The following RLIM variants were observed in gnomAD, a reference collection of about 807,000 sequenced individuals.
The protein encoded by RLIM is E3 ubiquitin-protein ligase RLIM.
Under a neutral mutation model 34.0 loss-of-function variants are expected in RLIM, and 2 were observed. That is an observed-to-expected ratio of 0.06 (90% CI 0.02 to 0.19). RLIM has a LOEUF of 0.19. Ranked by LOEUF, RLIM falls within the 10% of genes least tolerant of loss-of-function variation. The probability of loss-of-function intolerance (pLI) is 1.00; values close to 1 mark genes in which losing one functional copy is unlikely to be tolerated. For missense variants in RLIM, 286 were observed against 479.7 expected (o/e 0.60, Z 3.77); for synonymous variants, 169 against 164.0 (o/e 1.03, Z -0.23).
In RLIM at chrX:74,593,076, G is replaced by C. The variant is rs1471576078; in HGVS notation, c.254-15C>G. 2.5e-6 allele frequency: 3 copies of C among 1,180,643 alleles called. No individual in the cohort carries two copies. Among genetic ancestry groups the C allele is most frequent in the Non-Finnish European group, 3.4e-6 (3 of 877,671 alleles). On this transcript the variant is annotated splice_polypyrimidine_tract_variant and intron_variant, in intron 3 of 3. Coordinates refer to ENST00000332687, the MANE Select transcript of RLIM (RefSeq NM_016120.4). ...AGAGTCTCCTCCTGTTCAAAACAAAGGAGGGGGAGAGGGAGAAAAAGGAAC... is the reference window on the plus strand; with the variant it reads ...AGAGTCTCCTCCTGTTCAAAACAAACGAGGGGGAGAGGGAGAAAAAGGAAC...
At chrX:74,597,507 G>A (rs762851584) in intron 1 of RLIM, among the ~76,000 whole-genome samples, 8 of 111,525 alleles carry the variant, frequency 7.2e-5, no homozygotes, top group Non-Finnish European at 1.3e-4. Context: ...TCATAGGTGA[G>A]AATATTTTCA....
At chrX:74,608,279 C>T (rs1197106075) in intron 1 of RLIM, among the ~76,000 whole-genome samples, 3 of 111,349 alleles carry the variant, frequency 2.7e-5, no homozygotes, top group East Asian at 2.8e-4. Flanking sequence ...CACCACATTA[C>T]GATATTAAGA....
chrX:74,607,540 T>C (rs766214017), intron 1 of RLIM, among the ~76,000 whole-genome samples: 2 of 112,680 alleles, frequency 1.8e-5, no homozygotes, highest in Non-Finnish European at 3.8e-5. Flanking sequence ...TGAAACCCTG[T>C]CTCTACAAAA....
In RLIM at chrX:74,594,351, G is replaced by T. The variant is rs781617856; in HGVS notation, c.208C>A (p.Gln70Lys). The T allele has an allele frequency of 8.3e-7, 1 of 1,206,361 alleles. No individual in the cohort carries two copies. The change falls in exon 3 of 4, where the codon CAA becomes AAA. Residue 70 changes from glutamine to lysine, a missense_variant. Transcript: ENST00000332687. The stretch of plus-strand genomic sequence containing the variant: ...TGCGGTGGTGGGCCTTCTTTAATTT[G>T]CTGTAGTCGTCTCAGCAACTCTTCC... ...TEEELLRRLQ[Q>K]IKEGPPPQNS... is the part of the protein sequence containing the mutation.
At chrX:74,597,723 C>G (rs1226577505) in intron 1 of RLIM, among the ~76,000 whole-genome samples, 2 of 112,084 alleles carry the variant, frequency 1.8e-5, no homozygotes, top group Non-Finnish European at 3.8e-5. Context: ...TTCAATCTAT[C>G]ATATTACTGA....
Position 74,587,863 on chromosome X carries a change from T to TA in RLIM, c.*3576dup, listed in dbSNP as rs1394833906. 7 of 111,999 alleles carry TA rather than the reference T, an allele frequency of 6.3e-5. No homozygotes were observed. The Admixed American group carries it at 6.6e-4, about 11-fold the overall frequency. The allele number at this position is 111,999 out of a possible 1,213,427, so 9.2% of individuals were successfully genotyped here. A position where few individuals can be genotyped will look rare whatever the true frequency, so the allele number is the denominator to read the frequency against. ...GGGACACATTACTTGAGGCAACACT[T>TA]ACAGCCAATCAGTTTCCTAATCTTA... On this transcript the variant is annotated 3_prime_UTR_variant, in exon 4 of 4. Transcript: ENST00000332687.
At chrX:74,610,724 T>C (rs1020568601) in intron 1 of RLIM, among the ~76,000 whole-genome samples, 3 of 108,582 alleles carry the variant, frequency 2.8e-5, no homozygotes, top group Non-Finnish European at 3.8e-5. Context: ...ACCCCATCTT[T>C]ACTAAAAATA....
At position 74,592,223 on chromosome X, in the gene RLIM, C is replaced by T. The variant is rs771648855; in HGVS notation, c.1092G>A (p.Arg364=). 8.3e-7 allele frequency: 1 copy of T among 1,211,618 alleles called. No individual in the cohort carries two copies. Among genetic ancestry groups the T allele is most frequent in the African/African-American group, 1.7e-5 (1 of 57,729 alleles). The stretch of plus-strand genomic sequence containing the variant: ...CCCGCTCAGAACGTGAAAATGTACG[C>T]CTAAAACCTCCTCGTTCACTTTCAT... The part of the protein sequence containing the change: ...VTYESERGGF[R]RTFSRSERAG... The change falls in exon 4 of 4, where the codon AGG becomes AGA. Residue 364 remains arginine (R), a synonymous_variant. Transcript: ENST00000332687.
rs1419692578 is a variant in RLIM at position 74,585,977 on chromosome X, C to T, written c.*5463G>A. 8.9e-6 allele frequency: 1 copy of T among 112,131 alleles called. No homozygotes were observed. The highest frequency in any genetic ancestry group is 1.9e-5 in the Non-Finnish European group (1 of 53,338). The allele number at this position is 112,131 out of a possible 1,213,427, so 9.2% of individuals were successfully genotyped here. ...TTACTGTTCCCCCTCCAAACCCCTTCAGGTTCTTATAAGCTTCAGAAAGCT... is the reference window on the plus strand; with the variant it reads ...TTACTGTTCCCCCTCCAAACCCCTTTAGGTTCTTATAAGCTTCAGAAAGCT... On this transcript the variant is annotated 3_prime_UTR_variant, in exon 4 of 4. Transcript: ENST00000332687.
chrX:74,600,850 T>C (rs1232642358), intron 1 of RLIM, among the ~76,000 whole-genome samples: 1 of 71,234 alleles, frequency 1.4e-5, no homozygotes, highest in Admixed American at 1.6e-4. Context: ...CATCTCTACT[T>C]AAAAAAAAAA....
At chrX:74,607,531 G>A (rs1328524714) in intron 1 of RLIM, among the ~76,000 whole-genome samples, 1 of 112,806 alleles carries the variant, frequency 8.9e-6, no homozygotes, top group Admixed American at 9.3e-5. Context: ...CCAACATGGT[G>A]AAACCCTGTC....
intron 1 of RLIM, among the ~76,000 whole-genome samples, chrX:74,610,187 C>T (rs991060624): frequency 9.0e-6 from 1 of 111,111 alleles, no homozygotes; most frequent in Non-Finnish European, 1.9e-5. Context: ...GAGGCCAAGG[C>T]GGGCGGATCA....
Position 74,600,313 on chromosome X carries a change from A to C in RLIM, c.-23-4313T>G, listed in dbSNP as rs59189008. On this transcript the variant is annotated intron_variant, in intron 1 of 3. Transcript: ENST00000332687. ...AAATACAAAACAAAACAAAACAAAAAAAAACCCTGAAAAGGAAGCCAAGTT... is the reference window on the plus strand; with the variant it reads ...AAATACAAAACAAAACAAAACAAAACAAAACCCTGAAAAGGAAGCCAAGTT... Among the ~76,000 whole-genome samples the C allele has an allele frequency of 0.013, 1,446 of 111,297 alleles. 84 individuals are homozygous for C. The East Asian group carries it at 0.26, about 20-fold the overall frequency.
chrX:74,585,904 A>T lies in RLIM; in HGVS notation c.*5536T>A, dbSNP rs1252762517. The stretch of plus-strand genomic sequence containing the variant: ...ATAACAATCACTTTAGTCTTTACAG[A>T]ACATACATCTATGTGCTTTGTGACC... On this transcript the variant is annotated 3_prime_UTR_variant, in exon 4 of 4. Transcript: ENST00000332687. 8.9e-6 allele frequency: 1 copy of T among 112,081 alleles called. No homozygotes were observed. Among genetic ancestry groups the T allele is most frequent in the East Asian group, 2.8e-4 (1 of 3,583 alleles). 9.2% of individuals were successfully genotyped at this position (112,081 alleles called of 1,213,427 possible).
intron 1 of RLIM, among the ~76,000 whole-genome samples, chrX:74,608,916 A>G (rs1040938655): frequency 8.9e-6 from 1 of 112,067 alleles, no homozygotes; most frequent in Non-Finnish European, 1.9e-5. Context: ...TTAATCTTCA[A>G]TTACCCGTTT....
chrX:74,583,099 G>C lies in RLIM; in HGVS notation c.*8341C>G. On this transcript the variant is annotated 3_prime_UTR_variant, in exon 4 of 4. Coordinates refer to ENST00000332687, the MANE Select transcript of RLIM (RefSeq NM_016120.4). ...GTCCCTGATCAATTTTAAACAGTTG[G>C]AACACCGGTGGCACTGTTAACTGCT... The C allele has an allele frequency of 8.5e-7, 1 of 1,170,022 alleles. No homozygotes were observed.
In RLIM at chrX:74,585,120, G is replaced by A. The variant is rs1370577867; in HGVS notation, c.*6320C>T. On this transcript the variant is annotated 3_prime_UTR_variant, in exon 4 of 4. Coordinates refer to ENST00000332687, the MANE Select transcript of RLIM (RefSeq NM_016120.4). The stretch of plus-strand genomic sequence containing the variant: ...CACACGTGCACACCTACAAGTTTTT[G>A]TATATATACAGGGCAAGCAAGGGAG... 1 of 112,268 alleles carries A rather than the reference G, an allele frequency of 8.9e-6. No individual in the cohort carries two copies. Among genetic ancestry groups the A allele is most frequent in the Non-Finnish European group, 1.9e-5 (1 of 53,288 alleles). 9.3% of individuals were successfully genotyped at this position (112,268 alleles called of 1,213,427 possible).
intron 2 of RLIM, among the ~76,000 whole-genome samples, chrX:74,595,593 A>G (rs888145535): frequency 2.7e-5 from 3 of 112,300 alleles, no homozygotes; most frequent in Admixed American, 1.9e-4. Context: ...CTAAAAATTC[A>G]TAATTCATAA....
At position 74,600,275 on chromosome X, in the gene RLIM, A is replaced by T. The variant is rs776494746; in HGVS notation, c.-23-4275T>A. ...AGCTTAAATAAAACACGCACAAAAA[A>T]CAGGCACTAAAAAAATACAAAACAA... On this transcript the variant is annotated intron_variant, in intron 1 of 3. Transcript: ENST00000332687. Among the ~76,000 whole-genome samples the T allele has an allele frequency of 5.4e-5, 6 of 111,110 alleles. No homozygotes were observed. In the South Asian group the frequency reaches 2.3e-3, roughly 42 times the overall value.
Sources: allele counts gnomAD v4.1 joint callset (sites outside exome capture counted in the v4.1 genomes callset), GRCh38; gene constraint gnomAD v4.1.1; transcripts MANE v1.5; gene names NCBI Gene and HGNC (gene_info 2026-07-23, HGNC 2026-07-21).